The following SEC14L1 variants were observed in gnomAD, a reference collection of about 807,000 sequenced individuals.
SEC14L1 encodes SEC14 like lipid binding 1, also known as SEC14-like protein 1.
In SEC14L1, 48 loss-of-function variants were observed where a neutral mutation model predicts 85.3. The ratio of observed to expected loss-of-function variants is 0.56; its 90% CI spans 0.45 to 0.72. SEC14L1 has a LOEUF of 0.72. Ranked by LOEUF, SEC14L1 falls within the 30% of genes least tolerant of loss-of-function variation. SEC14L1 has a pLI of 0.00. For missense variants in SEC14L1, 682 were observed against 921.4 expected (o/e 0.74, Z 3.36); for synonymous variants, 391 against 355.5 (o/e 1.10, Z -1.12).
At position 77,206,687 on chromosome 17, in the gene SEC14L1, C is replaced by A; in HGVS notation, c.1342-41C>A. ...GTCATTTTAATCTTGGACACTCAGGCAGCAGAGAAATATGACTGCATGGTC... is the reference window on the plus strand; with the variant it reads ...GTCATTTTAATCTTGGACACTCAGGAAGCAGAGAAATATGACTGCATGGTC... On this transcript the variant is annotated intron_variant, in intron 12 of 16. Transcript: ENST00000436233. This position sits in a 1 kb window ranked among gnomAD's most constrained non-coding sequence, Gnocchi z 4.3. 2 of 1,562,224 alleles carry A rather than the reference C, an allele frequency of 1.3e-6. No homozygotes were observed. The highest frequency in any genetic ancestry group is 2.0e-5 in the Admixed American group (1 of 50,426).
chr17:77,111,191 GAAAAAAA>G (rs57425211), intron 3 of SEC14L1, among the ~76,000 whole-genome samples: 1 of 101,116 alleles, frequency 9.9e-6, no homozygotes, highest in Admixed American at 1.0e-4. Flanking sequence ...GTCTCAAAAA[GAAAAAAA>G]AAAAAAAAAA....
intron 3 of SEC14L1, among the ~76,000 whole-genome samples, chr17:77,171,400 G>A (rs1974516927): frequency 6.6e-6 from 1 of 152,196 alleles, no homozygotes; most frequent in Non-Finnish European, 1.5e-5. Context: ...GGGAGACAAG[G>A]AGTTAAATGG....
At chr17:77,130,188 C>G (rs542539) in intron 3 of SEC14L1, 1 of 151,798 alleles carries the variant, frequency 6.6e-6, no homozygotes, top group Non-Finnish European at 1.5e-5. Context: ...CCTGGTGACA[C>G]GAGGTACAGT....
chr17:77,141,259 A>G lies in SEC14L1; in HGVS notation c.-136+152A>G, dbSNP rs1253214460. On this transcript the variant is annotated intron_variant, in intron 1 of 16. Transcript: ENST00000436233. ...CAGCCCCGGCTGCCATCGGCCCGGC[A>G]CCCGAAACGGGCCGTGCCCCCGCCC... 3 of 90,572 alleles carry G rather than the reference A, an allele frequency of 3.3e-5. No individual in the cohort carries two copies. The East Asian group carries it at 1.1e-3, about 32-fold the overall frequency. 5.6% of individuals were successfully genotyped at this position (90,572 alleles called of 1,614,324 possible).
At chr17:77,111,040 A>G (rs1433223052) in intron 3 of SEC14L1, among the ~76,000 whole-genome samples, 1 of 151,662 alleles carries the variant, frequency 6.6e-6, no homozygotes, top group African/African-American at 2.4e-5. Context: ...CAAAAATACA[A>G]AAATTAGCCG....
rs1555628453 is a variant in SEC14L1 at position 77,204,522 on chromosome 17, C to CCTT, written c.1099-754_1099-753insCTT. ...GGCTTGAGCCACCCTGCCCAGCCAG[C>CCTT]TTTTTTTTTTTTTTTTTTTTTTTTT... On this transcript the variant is annotated intron_variant, in intron 10 of 16. Transcript: ENST00000436233. Among the ~76,000 whole-genome samples, 22 of 84,734 alleles carry CCTT rather than the reference C, an allele frequency of 2.6e-4. 3 individuals are homozygous for CCTT. Among genetic ancestry groups the CCTT allele is most frequent in the East Asian group, 9.0e-4 (2 of 2,212 alleles). 55.6% of individuals were successfully genotyped at this position (84,734 alleles called of 152,430 possible).
chr17:77,099,885 A>G (rs1479391734), intron 3 of SEC14L1, among the ~76,000 whole-genome samples: 1 of 152,238 alleles, frequency 6.6e-6, no homozygotes, highest in Non-Finnish European at 1.5e-5. Flanking sequence ...TCAAAATGAA[A>G]TAAAGGCTTC....
At chr17:77,101,227 C>A (rs2143316189) in intron 3 of SEC14L1, among the ~76,000 whole-genome samples, 1 of 152,192 alleles carries the variant, frequency 6.6e-6, no homozygotes, top group East Asian at 1.9e-4. Context: ...CTCTGTTGCC[C>A]AGGCTGGAGT....
intron 3 of SEC14L1, among the ~76,000 whole-genome samples, chr17:77,157,768 C>T (rs1567899731): frequency 6.6e-6 from 1 of 152,120 alleles, no homozygotes; most frequent in Non-Finnish European, 1.5e-5. Context: ...CCTCGTGATG[C>T]GTCTGCCTTG....
At chr17:77,208,547 C>G (rs193204264) in intron 13 of SEC14L1, among the ~76,000 whole-genome samples, 1 of 152,204 alleles carries the variant, frequency 6.6e-6, no homozygotes, top group South Asian at 2.1e-4. Context: ...TTCTTCACCT[C>G]TCTCCTGAGC....
intron 3 of SEC14L1, among the ~76,000 whole-genome samples, chr17:77,134,469 G>A (rs1457464728): frequency 6.6e-6 from 1 of 152,112 alleles, no homozygotes; most frequent in Non-Finnish European, 1.5e-5. Context: ...TGTAATCCCA[G>A]CCCTTTGGGA....
At chr17:77,122,902 C>G (rs2143408676) in intron 3 of SEC14L1, among the ~76,000 whole-genome samples, 1 of 152,246 alleles carries the variant, frequency 6.6e-6, no homozygotes, top group Admixed American at 6.5e-5. Flanking sequence ...CTGCAGCAGC[C>G]TGAGAATCAC....
At chr17:77,164,561 A>G (rs1384122273) in intron 3 of SEC14L1, among the ~76,000 whole-genome samples, 2 of 152,180 alleles carry the variant, frequency 1.3e-5, no homozygotes, top group African/African-American at 4.8e-5. Context: ...GCTGGGATTC[A>G]AATCAAGGTC....
rs765302024 is a variant in SEC14L1, at chr17:77,193,420, G to A, written c.346-1G>A. ...TGAGAGTGCTTTCTCTTTATCTGCA[G>A]GTTCACCCTGAAAATGAAGATTGGA... On this transcript the variant is annotated splice_acceptor_variant, in intron 5 of 16. Coordinates refer to ENST00000436233, the MANE Select transcript of SEC14L1 (RefSeq NM_001143998.2). LOFTEE classifies it high-confidence loss of function. The A allele has an allele frequency of 5.6e-6, 9 of 1,597,726 alleles. No homozygotes were observed.
chr17:77,103,127 T>G (rs1264577061), intron 3 of SEC14L1, among the ~76,000 whole-genome samples: 2 of 152,014 alleles, frequency 1.3e-5, no homozygotes, highest in African/African-American at 4.8e-5. Context: ...TTTCTTTTTT[T>G]TTTGAGAGGG....
chr17:77,216,520 CTTTCTCT>C lies in SEC14L1; in HGVS notation c.*2500_*2506del. On this transcript the variant is annotated 3_prime_UTR_variant, in exon 17 of 17. Coordinates refer to ENST00000436233, the MANE Select transcript of SEC14L1 (RefSeq NM_001143998.2). ...CACAAGGGCCTGAAGGTGGTCCCTG[CTTTCTCT>C]TTCTCTTTCTCTGTGTCTCAGATGG... is the stretch of plus-strand genomic sequence containing the variant. The C allele has an allele frequency of 6.2e-7, 1 of 1,612,834 alleles. No individual in the cohort carries two copies. The highest frequency in any genetic ancestry group is 1.1e-5 in the South Asian group (1 of 91,054).
At chr17:77,095,427 T>A (rs1266564114) in intron 3 of SEC14L1, among the ~76,000 whole-genome samples, 2 of 152,158 alleles carry the variant, frequency 1.3e-5, no homozygotes, top group Non-Finnish European at 2.9e-5. Flanking sequence ...ACCTTCAGGG[T>A]GCCACCTTGT....
intron 3 of SEC14L1, among the ~76,000 whole-genome samples, chr17:77,176,920 A>G (rs1049045689): frequency 2.6e-5 from 4 of 152,196 alleles, no homozygotes; most frequent in African/African-American, 9.6e-5. Context: ...TCTGTAGTTT[A>G]GGTTCACTCT....
chr17:77,156,893 G>A (rs916967952), intron 3 of SEC14L1, among the ~76,000 whole-genome samples: 1 of 152,134 alleles, frequency 6.6e-6, no homozygotes, highest in African/African-American at 2.4e-5. Flanking sequence ...AGTGTTTTGA[G>A]TGGCTTTTCT....
Sources: allele counts gnomAD v4.1 joint callset (sites outside exome capture counted in the v4.1 genomes callset), GRCh38; gene constraint gnomAD v4.1.1; non-coding constraint Gnocchi (gnomAD v3.1); transcripts MANE v1.5; gene names NCBI Gene and HGNC (gene_info 2026-07-23, HGNC 2026-07-21).